ADCY5: variants seen among roughly 807,000 people sequenced by gnomAD.
ADCY5 encodes the protein adenylate cyclase type 5.
In ADCY5, 30 loss-of-function variants were observed where a neutral mutation model predicts 119.7. The ratio of observed to expected loss-of-function variants is 0.25; its 90% CI spans 0.19 to 0.34. ADCY5 has a LOEUF of 0.34. ADCY5 is among the 10% of genes least tolerant of loss of function. The probability of loss-of-function intolerance (pLI) is 1.00; values close to 1 mark genes in which losing one functional copy is unlikely to be tolerated. For synonymous variants in ADCY5, 753 were observed against 762.2 expected, an observed-to-expected ratio of 0.99 and a Z score of 0.20; for missense variants, 1,324 against 1,775.2, an observed-to-expected ratio of 0.75 and a Z score of 4.57.
intron 1 of ADCY5, among the ~76,000 whole-genome samples, chr3:123,362,494 A>G (rs771287933): frequency 6.6e-6 from 1 of 152,170 alleles, no homozygotes; most frequent in Non-Finnish European, 1.5e-5. Flanking sequence ...TGTACATTTT[A>G]TGTTTTGTTA....
intron 1 of ADCY5, among the ~76,000 whole-genome samples, chr3:123,397,211 A>G (rs1421157964): frequency 6.6e-6 from 1 of 152,210 alleles, no homozygotes; most frequent in Non-Finnish European, 1.5e-5. Flanking sequence ...TGCTCGCTGC[A>G]GCACAGCAGA....
At chr3:123,379,598 G>A (rs749955152) in intron 1 of ADCY5, among the ~76,000 whole-genome samples, 1 of 152,104 alleles carries the variant, frequency 6.6e-6, no homozygotes, top group Non-Finnish European at 1.5e-5. Flanking sequence ...TGGGAAGGGA[G>A]AGAGGAGGTG....
intron 3 of ADCY5, 41 bp downstream of exon 3, chr3:123,347,741 T>A (rs1013019240): frequency 6.2e-7 from 1 of 1,611,626 alleles, no homozygotes; most frequent in Non-Finnish European, 8.5e-7. Context: ...GGGGTCCAGC[T>A]CTCCCTCCCT....
At chr3:123,312,713 G>A (rs1012457132) in intron 12 of ADCY5, among the ~76,000 whole-genome samples, 12 of 152,138 alleles carry the variant, frequency 7.9e-5, no homozygotes, top group Admixed American at 2.0e-4. Flanking sequence ...CTTCTATGTC[G>A]TAGCATGAAA....
intron 3 of ADCY5, among the ~76,000 whole-genome samples, chr3:123,345,769 G>GACAGACAGACAC (rs57198270): frequency 8.8e-6 from 1 of 113,762 alleles, no homozygotes; most frequent in East Asian, 2.3e-4. Flanking sequence ...CAGACAGACA[G>GACAGACAGACAC]ACACACACAC....
rs1457021431 is a variant in ADCY5, at chr3:123,330,917, T to A, written c.1618A>T (p.Met540Leu). Residue 540 changes from methionine to leucine, a missense_variant, in exon 5 of 21, where the codon ATG becomes TTG. Physicochemically the swap from Met to Leu is conservative, Grantham distance 15. Coordinates refer to ENST00000462833, the MANE Select transcript of ADCY5 (RefSeq NM_183357.3). ...ATGGCCTCGATCATGTCCATGCCCA[T>A]CTCCACACAGCAGTGGGCGTGGTCA... is the stretch of plus-strand genomic sequence containing the variant. ...RADHAHCCVE[M>L]GMDMIEAISL... is the part of the protein sequence containing the mutation. 1 of 1,613,538 alleles carries A rather than the reference T, an allele frequency of 6.2e-7. No individual in the cohort carries two copies. Among genetic ancestry groups the A allele is most frequent in the African/African-American group, 1.3e-5 (1 of 74,956 alleles).
At chr3:123,442,230 C>T (rs924935163) in intron 1 of ADCY5, among the ~76,000 whole-genome samples, 1 of 152,188 alleles carries the variant, frequency 6.6e-6, no homozygotes, top group Non-Finnish European at 1.5e-5. Context: ...CGGCAGGTTG[C>T]ACCCACCACC....
At chr3:123,325,599 A>G in intron 7 of ADCY5, 137 bp from the exon 8 acceptor site, 2 of 1,139,988 alleles carry the variant, frequency 1.8e-6, no homozygotes, top group Non-Finnish European at 1.3e-6. Context: ...CTGGAGCCAG[A>G]GCTCGGCCCA....
intron 3 of ADCY5, among the ~76,000 whole-genome samples, chr3:123,338,382 T>C (rs545367142): frequency 6.6e-6 from 1 of 152,314 alleles, no homozygotes; most frequent in African/African-American, 2.4e-5. Flanking sequence ...AAGTCACATT[T>C]CTCTGCAGCT....
chr3:123,429,246 G>C (rs1462982588), intron 1 of ADCY5, among the ~76,000 whole-genome samples: 1 of 152,224 alleles, frequency 6.6e-6, no homozygotes, highest in Non-Finnish European at 1.5e-5. Context: ...TCCATGCCCA[G>C]AGCCCTAGGG....
Position 123,347,929 on chromosome 3 carries a change from TCAC to T in ADCY5, c.1285-29_1285-27del, listed in dbSNP as rs776559298. 5.6e-6 allele frequency: 9 copies of T among 1,612,882 alleles called. No homozygotes were observed. The Admixed American group carries it at 1.3e-4, about 24-fold the overall frequency. On this transcript the variant is annotated intron_variant, in intron 2 of 20. Coordinates refer to ENST00000462833, the MANE Select transcript of ADCY5 (RefSeq NM_183357.3). ...CTGCAGAGGGAAGCACATGCTTTCA[TCAC>T]CACGCCTTCTACCTGCCTGGCAAGT...
chr3:123,301,155 C>A (rs1939824862), intron 14 of ADCY5, among the ~76,000 whole-genome samples: 1 of 151,824 alleles, frequency 6.6e-6, no homozygotes, highest in Admixed American at 6.5e-5. Context: ...CGTCCCTAGG[C>A]ACGTCAGCAT....
chr3:123,437,469 C>T lies in ADCY5; in HGVS notation c.1134+9943G>A, dbSNP rs997816145. ...TGCTGAACCATCTGTCACAAGCTTG[C>T]TGTGTGACCTTGGGGAGGTTACTTA... On this transcript the variant is annotated intron_variant, in intron 1 of 20. Transcript: ENST00000462833. 2.6e-4 allele frequency among the ~76,000 whole-genome samples: 39 copies of T among 152,116 alleles called. 1 individual carries two copies. The highest frequency in any genetic ancestry group is 1.8e-3 in the Admixed American group (27 of 15,272).
chr3:123,334,842 G>A (rs752973032), intron 3 of ADCY5, among the ~76,000 whole-genome samples: 7 of 152,216 alleles, frequency 4.6e-5, no homozygotes, highest in Non-Finnish European at 8.8e-5. Context: ...TCCACAGTGT[G>A]GAATGGTTGA....
In ADCY5 at chr3:123,357,785, T is replaced by A. The variant is rs1490011152; in HGVS notation, c.1135-5204A>T. ...GTCTTAAAGGGTGCTAAGGTCCCTG[T>A]GCAGATGCTCCGCTTATGAATAGTG... On this transcript the variant is annotated intron_variant, in intron 1 of 20. Coordinates refer to ENST00000462833, the MANE Select transcript of ADCY5 (RefSeq NM_183357.3). Among the ~76,000 whole-genome samples, 6 of 152,194 alleles carry A rather than the reference T, an allele frequency of 3.9e-5. No individual in the cohort carries two copies. The East Asian group carries it at 1.2e-3, about 29-fold the overall frequency.
chr3:123,317,505 C>T (rs1168379280), intron 11 of ADCY5, among the ~76,000 whole-genome samples: 2 of 151,902 alleles, frequency 1.3e-5, no homozygotes, highest in Non-Finnish European at 1.5e-5. Context: ...GAGGCCAAGG[C>T]GGGTGGATTG....
At chr3:123,336,167 G>C (rs926927120) in intron 3 of ADCY5, among the ~76,000 whole-genome samples, 3 of 152,348 alleles carry the variant, frequency 2.0e-5, no homozygotes, top group Admixed American at 2.0e-4. Flanking sequence ...CTATGCTGGC[G>C]TGTGCATGCC....
At chr3:123,285,833 C>T (rs1361388257) in intron 20 of ADCY5, among the ~76,000 whole-genome samples, 1 of 152,220 alleles carries the variant, frequency 6.6e-6, no homozygotes, top group Admixed American at 6.5e-5. Context: ...AGGCCAGGCC[C>T]CTCGGCCAGC....
In ADCY5 at chr3:123,352,139, G is replaced by A. The variant is rs781324204; in HGVS notation, c.1284+293C>T. On this transcript the variant is annotated intron_variant, in intron 2 of 20. Coordinates refer to ENST00000462833, the MANE Select transcript of ADCY5 (RefSeq NM_183357.3). The surrounding 1 kb of genome is among the most constrained non-coding windows in gnomAD (Gnocchi z 4.8). ...GCAGTGTGGGGAAGGAGTGGGGGCC[G>A]TGTGGGGAGGGAGAGAGGGACCCTC... is the stretch of plus-strand genomic sequence containing the variant. Among the ~76,000 whole-genome samples the A allele has an allele frequency of 4.2e-4, 64 of 152,258 alleles. No individual in the cohort carries two copies. Among genetic ancestry groups the A allele is most frequent in the Non-Finnish European group, 7.9e-4 (54 of 68,012 alleles).
Sources: gnomAD v4.1 joint callset for allele counts (sites outside exome capture counted in the v4.1 genomes callset) on GRCh38, gnomAD v4.1.1 for gene constraint, Gnocchi (gnomAD v3.1) non-coding constraint, MANE v1.5 for transcripts, NCBI Gene and HGNC (gene_info 2026-07-23, HGNC 2026-07-21) for gene names.